The following TCOF1 variants were observed in gnomAD, a reference collection of about 807,000 sequenced individuals.
TCOF1 encodes the protein treacle protein.
A neutral mutation model predicts 149.0 loss-of-function variants in TCOF1; 33 were observed. The ratio of observed to expected loss-of-function variants is 0.22; its 90% CI spans 0.17 to 0.30. TCOF1 has a LOEUF of 0.30. TCOF1 is among the 10% of genes least tolerant of loss of function. The pLI is 1.00. For missense variants in TCOF1, 1,728 were observed against 1,840.7 expected (o/e 0.94, Z 1.12); for synonymous variants, 789 against 738.8 (o/e 1.07, Z -1.10).
chr5:150,393,016 G>A (rs1021460671), intron 22 of TCOF1: 3 of 615,018 alleles, frequency 4.9e-6, no homozygotes, highest in Admixed American at 2.8e-5. Context: ...CTTGGGGTCT[G>A]TAGAAGGGAT....
chr5:150,362,236 A>C (rs969154925), intron 2 of TCOF1, among the ~76,000 whole-genome samples: 2 of 152,208 alleles, frequency 1.3e-5, no homozygotes, highest in African/African-American at 4.8e-5. Flanking sequence ...AACATGTAAA[A>C]TTTATGTACT....
intron 23 of TCOF1, among the ~76,000 whole-genome samples, chr5:150,395,700 G>T (rs1234199283): frequency 2.0e-5 from 3 of 152,152 alleles, no homozygotes; most frequent in South Asian, 4.1e-4. Flanking sequence ...TCCCCACCTT[G>T]CCTGGACCCC....
rs537905885 is a variant in TCOF1 at position 150,400,286 on chromosome 5, G to T, written c.*499G>T. 6.6e-6 allele frequency: 1 copy of T among 151,972 alleles called. No individual in the cohort carries two copies. The highest frequency in any genetic ancestry group is 2.1e-4 in the South Asian group (1 of 4,818). The allele number at this position is 151,972 out of a possible 1,614,324, so 9.4% of individuals were successfully genotyped here. On this transcript the variant is annotated 3_prime_UTR_variant, in exon 27 of 27. Transcript: ENST00000643257. ...CAAAAAAAAAATAAAAGACTTGGAG[G>T]AAGGGTGCAAGCTCCCAGTGCATCT...
At chr5:150,392,312 C>T in intron 21 of TCOF1, 136 bp downstream of exon 21, 2 of 843,456 alleles carry the variant, frequency 2.4e-6, no homozygotes, top group Non-Finnish European at 3.6e-6. Flanking sequence ...CTCAGTTTCC[C>T]CACCTGTACA....
intron 19 of TCOF1, among the ~76,000 whole-genome samples, chr5:150,390,263 G>A (rs1019333651): frequency 6.6e-6 from 1 of 152,210 alleles, no homozygotes; most frequent in Non-Finnish European, 1.5e-5. Context: ...TGCAGCACTC[G>A]AGTCCCTCAT....
In TCOF1 at chr5:150,376,535, C is replaced by T; in HGVS notation, c.2255C>T (p.Thr752Ile). Residue 752 changes from threonine (T) to isoleucine (I), a missense_variant, in exon 14 of 27, where the codon ACC (threonine) becomes ATC (isoleucine). Coordinates refer to ENST00000643257, the MANE Select transcript of TCOF1 (RefSeq NM_001371623.1). ...CCTGGGAAGACGGGGCCTACAGTCA[C>T]CCAGGTGAAAGCTGAAAAGCAGGAA... is the stretch of plus-strand genomic sequence containing the variant. ...VLPGKTGPTV[T>I]QVKAEKQEDS... The T allele has an allele frequency of 6.2e-7, 1 of 1,610,134 alleles. No homozygotes were observed. The highest frequency in any genetic ancestry group is 8.5e-7 in the Non-Finnish European group (1 of 1,178,122).
intron 2 of TCOF1, 78 bp from the exon 3 acceptor site, chr5:150,364,035 C>T (rs558463187): frequency 1.9e-5 from 31 of 1,602,416 alleles, no homozygotes; most frequent in East Asian, 4.5e-5. Flanking sequence ...TGGAAGGATG[C>T]GGGAAGGTCT....
At chr5:150,398,871 A>G in intron 25 of TCOF1, 151 bp from the exon 26 acceptor site, 1 of 1,086,964 alleles carries the variant, frequency 9.2e-7, no homozygotes, top group Non-Finnish European at 1.4e-6. Context: ...TGTATTTAGG[A>G]GAGCTGAACA....
chr5:150,367,341 A>G (rs558190029), intron 3 of TCOF1, among the ~76,000 whole-genome samples: 11 of 152,132 alleles, frequency 7.2e-5, no homozygotes, highest in Admixed American at 2.6e-4. Flanking sequence ...GTGAATATCG[A>G]TATCTAACGG....
intron 19 of TCOF1, among the ~76,000 whole-genome samples, chr5:150,390,765 G>A (rs1767262721): frequency 6.6e-6 from 1 of 152,186 alleles, no homozygotes; most frequent in African/African-American, 2.4e-5. Context: ...CGGATGGGAA[G>A]TCAGGCTGTG....
chr5:150,369,428 C>T, intron 5 of TCOF1, 101 bp from the exon 6 acceptor site: 2 of 1,397,628 alleles, frequency 1.4e-6, no homozygotes, highest in Non-Finnish European at 2.0e-6. Flanking sequence ...GAGCGCTCAG[C>T]ACCTGGCTTT....
At position 150,374,688 on chromosome 5, in the gene TCOF1, A is replaced by T. The variant is rs1380041558; in HGVS notation, c.1155A>T (p.Gly385=). The part of the protein sequence containing the change: ...SAPAKESPRK[G]AAPAPPGKTG... ...CTGCCAAGGAGTCCCCCAGGAAAGG[A>T]GCTGCCCCAGCGCCCCCTGGGAAGA... The change falls in exon 9 of 27, where the codon GGA becomes GGT. Residue 385 remains glycine (G), a synonymous_variant. Transcript: ENST00000643257. 6.3e-7 allele frequency: 1 copy of T among 1,599,138 alleles called. No individual in the cohort carries two copies. The highest frequency in any genetic ancestry group is 1.7e-5 in the Admixed American group (1 of 58,696).
rs769328782 is a variant in TCOF1, at chr5:150,383,784, C to A, written c.2859+4052C>A. 7 of 1,551,864 alleles carry A rather than the reference C, an allele frequency of 4.5e-6. No individual in the cohort carries two copies. In the South Asian group the frequency reaches 8.3e-5, roughly 18 times the overall value. ...CCATGAGCTCTGCCCAGGACCCTCT[C>A]TCAAGCACCTGTGGCATACCTTCAT... On this transcript the variant is annotated intron_variant, in intron 17 of 26. Transcript: ENST00000643257.
At position 150,393,863 on chromosome 5, in the gene TCOF1, T is replaced by C. The variant is rs1465250082; in HGVS notation, c.3784+311T>C. 36 of 395,922 alleles carry C rather than the reference T, an allele frequency of 9.1e-5. 1 individual carries two copies. Among genetic ancestry groups the C allele is most frequent in the South Asian group, 7.0e-4 (32 of 45,724 alleles). The allele number at this position is 395,922 out of a possible 1,614,324, so 24.5% of individuals were successfully genotyped here. ...ACCCCATCTCTAAAATTTATTTTAA[T>C]TAGCCGGTGTGATGGTGCACGCTTG... is the stretch of plus-strand genomic sequence containing the variant. On this transcript the variant is annotated intron_variant, in intron 23 of 26. Coordinates refer to ENST00000643257, the MANE Select transcript of TCOF1 (RefSeq NM_001371623.1).
At chr5:150,373,709 C>T (rs1391668266) in intron 7 of TCOF1, among the ~76,000 whole-genome samples, 2 of 152,238 alleles carry the variant, frequency 1.3e-5, no homozygotes, top group Non-Finnish European at 2.9e-5. Flanking sequence ...CCCTTCCCCA[C>T]TTTCAGACTG....
chr5:150,360,172 C>A (rs1457791024), intron 1 of TCOF1, among the ~76,000 whole-genome samples: 1 of 152,210 alleles, frequency 6.6e-6, no homozygotes, highest in African/African-American at 2.4e-5. Flanking sequence ...AGGTAGGTAT[C>A]GCTGTTGTCC....
rs999614235 is a variant in TCOF1 at position 150,383,034 on chromosome 5, C to T, written c.2859+3302C>T. 12 of 1,511,692 alleles carry T rather than the reference C, an allele frequency of 7.9e-6. No individual in the cohort carries two copies. In the African/African-American group the frequency reaches 1.2e-4, roughly 16 times the overall value. The allele number at this position is 1,511,692 out of a possible 1,614,324, so 93.6% of individuals were successfully genotyped here. The stretch of plus-strand genomic sequence containing the variant: ...CAGCAAATGCCCCACTCCCCGACCA[C>T]GTGCTTATCCAGGTCTTGTCCCCTC... On this transcript the variant is annotated intron_variant, in intron 17 of 26. Coordinates refer to ENST00000643257, the MANE Select transcript of TCOF1 (RefSeq NM_001371623.1).
At chr5:150,379,846 T>C (rs1176295565) in intron 17 of TCOF1, 114 bp downstream of exon 17, 48 of 1,319,988 alleles carry the variant, frequency 3.6e-5, no homozygotes, top group Admixed American at 5.9e-5. Flanking sequence ...CCGAGGCAGA[T>C]GTATCACTTG....
intron 14 of TCOF1, among the ~76,000 whole-genome samples, chr5:150,377,960 C>A (rs1397159625): frequency 6.6e-6 from 1 of 152,142 alleles, no homozygotes; most frequent in East Asian, 1.9e-4. Context: ...TGATTTAAAT[C>A]CTTTTTTGTG....
Sources: gnomAD v4.1 joint callset for allele counts (sites outside exome capture counted in the v4.1 genomes callset) on GRCh38, gnomAD v4.1.1 for gene constraint, MANE v1.5 for transcripts, NCBI Gene and HGNC (gene_info 2026-07-23, HGNC 2026-07-21) for gene names.